The following RABGAP1L variants were observed in gnomAD, a reference collection of about 807,000 sequenced individuals.
RABGAP1L encodes the protein RAB GTPase activating protein 1 like.
A neutral mutation model predicts 137.7 loss-of-function variants in RABGAP1L; 63 were observed. The ratio of observed to expected loss-of-function variants is 0.46; its 90% CI spans 0.37 to 0.56. The LOEUF (loss-of-function observed/expected upper bound fraction) is 0.56. Among genes scored for constraint, RABGAP1L ranks in the 20% least tolerant of loss-of-function variants. RABGAP1L has a pLI of 0.00. For missense variants in RABGAP1L, 1,095 were observed against 1,244.0 expected (o/e 0.88, Z 1.80); for synonymous variants, 431 against 433.7 (o/e 0.99, Z 0.08).
intron 8 of RABGAP1L, 53 bp from the exon 9 acceptor site, chr1:174,275,780 G>T: frequency 1.5e-6 from 2 of 1,316,002 alleles, no homozygotes; most frequent in African/African-American, 2.9e-5. Context: ...GTAATTTAAA[G>T]TAGTGATTTT....
intron 18 of RABGAP1L, among the ~76,000 whole-genome samples, chr1:174,769,962 A>C (rs546564349): frequency 6.6e-6 from 1 of 152,362 alleles, no homozygotes; most frequent in East Asian, 1.9e-4. Flanking sequence ...TCTGTGTTTG[A>C]AGATAGTGAC....
At chr1:174,920,290 A>G (rs1661579846) in intron 19 of RABGAP1L, among the ~76,000 whole-genome samples, 1 of 152,210 alleles carries the variant, frequency 6.6e-6, no homozygotes, top group African/African-American at 2.4e-5. Flanking sequence ...GAAGGCAAGG[A>G]GGAGCAAGTC....
At chr1:174,168,264 C>CA (rs3056992) in intron 1 of RABGAP1L, among the ~76,000 whole-genome samples, 1,701 of 64,552 alleles carry the variant, frequency 0.026, 78 homozygotes, top group Non-Finnish European at 0.037. Context: ...GACTCGGTCT[C>CA]AAAAAAAAAA....
At chr1:174,497,030 T>C (rs1225545852) in intron 13 of RABGAP1L, among the ~76,000 whole-genome samples, 2 of 152,236 alleles carry the variant, frequency 1.3e-5, no homozygotes, top group Non-Finnish European at 2.9e-5. Context: ...TACACACACA[T>C]GTGCACACAC....
intron 13 of RABGAP1L, among the ~76,000 whole-genome samples, chr1:174,437,012 A>T (rs1242853031): frequency 6.6e-6 from 1 of 152,268 alleles, no homozygotes; most frequent in African/African-American, 2.4e-5. Context: ...GAGGGTCCTG[A>T]CTGTTAGAAG....
chr1:174,340,492 C>T (rs990464299), intron 11 of RABGAP1L, among the ~76,000 whole-genome samples: 3 of 152,246 alleles, frequency 2.0e-5, no homozygotes, highest in East Asian at 1.9e-4. Flanking sequence ...GTATTCTCAT[C>T]GTTCAGCTTC....
intron 10 of RABGAP1L, among the ~76,000 whole-genome samples, chr1:174,280,095 T>G (rs997855303): frequency 1.1e-5 from 1 of 90,694 alleles, no homozygotes; most frequent in Non-Finnish European, 2.4e-5. Flanking sequence ...GAGAGAGACA[T>G]TAAAGTAATT....
Position 174,654,411 on chromosome 1 carries a change from CACTT to C in RABGAP1L, c.1824+16928_1824+16931del, listed in dbSNP as rs1332863177. Among the ~76,000 whole-genome samples the C allele has an allele frequency of 2.6e-5, 4 of 152,270 alleles. No individual in the cohort carries two copies. In the East Asian group the frequency reaches 5.8e-4, roughly 22 times the overall value. ...CCCTAAAAGAGCATTCTATTTCTAT[CACTT>C]ACTTCTTCTGTGAAGTACTTTTATT... On this transcript the variant is annotated intron_variant, in intron 14 of 25. Transcript: ENST00000681986.
At chr1:174,264,170 A>G (rs1673839786) in intron 7 of RABGAP1L, among the ~76,000 whole-genome samples, 1 of 152,066 alleles carries the variant, frequency 6.6e-6, no homozygotes, top group Non-Finnish European at 1.5e-5. Flanking sequence ...TAAAATTTTC[A>G]GCATATTTTA....
chr1:174,756,657 G>A (rs994138939), intron 18 of RABGAP1L, among the ~76,000 whole-genome samples: 1 of 152,100 alleles, frequency 6.6e-6, no homozygotes, highest in Non-Finnish European at 1.5e-5. Flanking sequence ...GAAAAAGGAA[G>A]GCGGAGGCAT....
intron 17 of RABGAP1L, among the ~76,000 whole-genome samples, chr1:174,728,007 G>C (rs1161696068): frequency 6.6e-6 from 1 of 152,064 alleles, no homozygotes; most frequent in Non-Finnish European, 1.5e-5. Flanking sequence ...AATTTTATTA[G>C]TCAGCAGTTA....
chr1:174,815,087 A>G (rs944479289), intron 19 of RABGAP1L, among the ~76,000 whole-genome samples: 2 of 152,190 alleles, frequency 1.3e-5, no homozygotes, highest in Non-Finnish European at 2.9e-5. Flanking sequence ...CGATTTTACA[A>G]TAGCTTGTAG....
chr1:174,614,125 G>A (rs1250648967), intron 13 of RABGAP1L, among the ~76,000 whole-genome samples: 10 of 151,410 alleles, frequency 6.6e-5, no homozygotes, highest in Non-Finnish European at 1.3e-4. Context: ...GATTTTGCTT[G>A]TTAGTTGATG....
At chr1:174,962,252 G>C (rs1379939675) in intron 20 of RABGAP1L, among the ~76,000 whole-genome samples, 1 of 131,564 alleles carries the variant, frequency 7.6e-6, no homozygotes, top group African/African-American at 3.0e-5. Flanking sequence ...ATCTCCCAAA[G>C]CATAATAAAG....
chr1:174,431,139 C>T (rs1652584795), intron 13 of RABGAP1L, among the ~76,000 whole-genome samples: 1 of 152,114 alleles, frequency 6.6e-6, no homozygotes, highest in South Asian at 2.1e-4. Flanking sequence ...TAAAATGGGT[C>T]TGTGCTCTTC....
At chr1:174,674,019 A>C (rs1342133950) in intron 14 of RABGAP1L, among the ~76,000 whole-genome samples, 1 of 152,094 alleles carries the variant, frequency 6.6e-6, no homozygotes, top group Non-Finnish European at 1.5e-5. Flanking sequence ...TACCTCCATA[A>C]ACATGATTTG....
intron 18 of RABGAP1L, among the ~76,000 whole-genome samples, chr1:174,764,276 T>C (rs146800411): frequency 5.9e-5 from 9 of 152,376 alleles, no homozygotes; most frequent in African/African-American, 9.6e-5. Flanking sequence ...AACATTTGTG[T>C]ACAAGGTTTT....
At chr1:174,313,324 AC>A (rs1679043414) in intron 11 of RABGAP1L, among the ~76,000 whole-genome samples, 1 of 152,154 alleles carries the variant, frequency 6.6e-6, no homozygotes, top group Non-Finnish European at 1.5e-5. Context: ...GTATCCTGTA[AC>A]TTTATTGAAT....
intron 20 of RABGAP1L, among the ~76,000 whole-genome samples, chr1:174,963,093 C>A (rs1324711696): frequency 6.7e-6 from 1 of 150,270 alleles, no homozygotes; most frequent in African/African-American, 2.5e-5. Context: ...AGCAAGACTC[C>A]GTCTCAAAAA....
Sources: allele counts gnomAD v4.1 joint callset (sites outside exome capture counted in the v4.1 genomes callset), GRCh38; gene constraint gnomAD v4.1.1; transcripts MANE v1.5; gene names NCBI Gene and HGNC (gene_info 2026-07-23, HGNC 2026-07-21).